The following ARMH3 variants were observed in gnomAD, a reference collection of about 807,000 sequenced individuals.
The protein encoded by ARMH3 is armadillo like helical domain containing 3, also known as armadillo-like helical domain-containing protein 3.
A neutral mutation model predicts 99.1 loss-of-function variants in ARMH3; 60 were observed. That is an observed-to-expected ratio of 0.61 (90% CI 0.49 to 0.75). The LOEUF (loss-of-function observed/expected upper bound fraction) is 0.75, where lower values mean the gene tolerates loss of function less well. ARMH3 is among the 30% of genes least tolerant of loss of function. ARMH3 has a pLI of 0.00. For synonymous variants in ARMH3, 285 were observed against 292.8 expected, an observed-to-expected ratio of 0.97 and a Z score of 0.27; for missense variants, 679 against 843.1, an observed-to-expected ratio of 0.81 and a Z score of 2.41.
chr10:101,944,210 T>C (rs1188980388), intron 22 of ARMH3, among the ~76,000 whole-genome samples: 7 of 133,756 alleles, frequency 5.2e-5, no homozygotes, highest in Admixed American at 7.9e-5. Flanking sequence ...TCTCAGCACT[T>C]TGGGAGGCTA....
intron 24 of ARMH3, among the ~76,000 whole-genome samples, chr10:101,863,681 T>A (rs1055206804): frequency 2.0e-5 from 3 of 152,068 alleles, no homozygotes; most frequent in South Asian, 4.1e-4. Context: ...TCCCAGCACT[T>A]TGGAAGGCCG....
chr10:101,893,807 CTT>C (rs1425679057), intron 23 of ARMH3, among the ~76,000 whole-genome samples: 1 of 152,120 alleles, frequency 6.6e-6, no homozygotes, highest in East Asian at 1.9e-4. Context: ...AAAATGTACA[CTT>C]GTTTCCTTCC....
chr10:101,912,227 T>C (rs1842896436), intron 23 of ARMH3, among the ~76,000 whole-genome samples: 1 of 151,926 alleles, frequency 6.6e-6, no homozygotes, highest in Admixed American at 6.6e-5. Flanking sequence ...ACCCCGTCTC[T>C]ACTAAAAATA....
chr10:101,928,208 A>C (rs1843582727), intron 23 of ARMH3, among the ~76,000 whole-genome samples: 2 of 152,212 alleles, frequency 1.3e-5, no homozygotes, highest in Non-Finnish European at 2.9e-5. Context: ...TCACAAATAT[A>C]ATGAAAGGTT....
In ARMH3 at chr10:101,991,842, C is replaced by A. The variant is rs565418927; in HGVS notation, c.1345+127G>T. 618 of 986,234 alleles carry A rather than the reference C, an allele frequency of 6.3e-4. 9 individuals carry two copies. In the South Asian group the frequency reaches 8.8e-3, roughly 14 times the overall value. The allele number at this position is 986,234 out of a possible 1,614,324, so 61.1% of individuals were successfully genotyped here. A position where few individuals can be genotyped will look rare whatever the true frequency, so the allele number is the denominator to read the frequency against. On this transcript the variant is annotated intron_variant, in intron 18 of 25. Transcript: ENST00000370033. ...ACAACAATAAACATGATTCTTAGGCCAGGGAAAAAACACAACTAATAATTT... is the reference window on the plus strand; with the variant it reads ...ACAACAATAAACATGATTCTTAGGCAAGGGAAAAAACACAACTAATAATTT...
intron 24 of ARMH3, among the ~76,000 whole-genome samples, chr10:101,881,422 T>TGGG (rs2067414664): frequency 3.9e-5 from 6 of 152,038 alleles, no homozygotes; most frequent in Admixed American, 2.0e-4. Flanking sequence ...AGCTGAGGGT[T>TGGG]GGGGGGAAGT....
chr10:101,890,446 GC>G (rs1393520319), intron 23 of ARMH3, among the ~76,000 whole-genome samples: 5 of 151,978 alleles, frequency 3.3e-5, no homozygotes, highest in Non-Finnish European at 7.4e-5. Flanking sequence ...ACACGGTTTT[GC>G]CATGTCGCCC....
At chr10:102,050,139 T>A (rs1394014514) in intron 1 of ARMH3, among the ~76,000 whole-genome samples, 1 of 143,292 alleles carries the variant, frequency 7.0e-6, no homozygotes, top group African/African-American at 2.6e-5. Context: ...CCAGACTCAG[T>A]CTCAAAAAAT....
At chr10:101,972,508 T>C (rs988179986) in intron 20 of ARMH3, among the ~76,000 whole-genome samples, 5 of 152,308 alleles carry the variant, frequency 3.3e-5, no homozygotes, top group African/African-American at 9.6e-5. Flanking sequence ...TCCATAAGTC[T>C]AGAAGGCAAA....
intron 22 of ARMH3, among the ~76,000 whole-genome samples, chr10:101,949,023 T>G (rs1844674876): frequency 6.6e-6 from 1 of 151,452 alleles, no homozygotes; most frequent in Non-Finnish European, 1.5e-5. Flanking sequence ...TCAAGGGAAA[T>G]AAGAAAATAC....
Position 101,995,375 on chromosome 10 carries a change from T to G in ARMH3, c.1151-20A>C, listed in dbSNP as rs369874714. On this transcript the variant is annotated intron_variant, in intron 15 of 25. Coordinates refer to ENST00000370033, the MANE Select transcript of ARMH3 (RefSeq NM_024541.3). ...GTTCATCTGTAAAGAAAAAAGAAACTCTTCTCTGTAAATCATCCAGATTTA... is the reference window on the plus strand; with the variant it reads ...GTTCATCTGTAAAGAAAAAAGAAACGCTTCTCTGTAAATCATCCAGATTTA... 13 of 1,602,646 alleles carry G rather than the reference T, an allele frequency of 8.1e-6. No individual in the cohort carries two copies. Among genetic ancestry groups the G allele is most frequent in the African/African-American group, 1.3e-5 (1 of 74,458 alleles).
At chr10:101,990,687 T>C in intron 18 of ARMH3, 76 bp from the exon 19 acceptor site, 1 of 1,166,466 alleles carries the variant, frequency 8.6e-7, no homozygotes, top group Non-Finnish European at 1.3e-6. Context: ...AAAAAAAGCT[T>C]CTGAGTACAC....
chr10:101,860,035 T>C (rs1264540661), intron 24 of ARMH3, among the ~76,000 whole-genome samples: 4 of 152,040 alleles, frequency 2.6e-5, no homozygotes, highest in Non-Finnish European at 4.4e-5. Flanking sequence ...AAATGATCAA[T>C]GTTAGTTAAG....
At chr10:101,850,188 C>T (rs1366711373) in intron 24 of ARMH3, among the ~76,000 whole-genome samples, 1 of 149,066 alleles carries the variant, frequency 6.7e-6, no homozygotes, top group Admixed American at 6.8e-5. Flanking sequence ...ACCTCTGCCT[C>T]CCAGGTTCAA....
At chr10:101,886,426 C>T (rs540560093) in intron 24 of ARMH3, among the ~76,000 whole-genome samples, 8 of 151,208 alleles carry the variant, frequency 5.3e-5, no homozygotes, top group Non-Finnish European at 1.2e-4. Context: ...AGGAGAATCG[C>T]TTGAACCCAG....
chr10:101,954,832 C>T (rs192282175), intron 22 of ARMH3, among the ~76,000 whole-genome samples: 403 of 152,280 alleles, frequency 2.6e-3, no homozygotes, highest in African/African-American at 9.1e-3. Context: ...AACATTTTTA[C>T]TCCCTTGGCA....
chr10:101,899,563 C>CAACA (rs1256181810), intron 23 of ARMH3, among the ~76,000 whole-genome samples: 2 of 152,070 alleles, frequency 1.3e-5, no homozygotes, highest in Non-Finnish European at 1.5e-5. Flanking sequence ...CCCAAATCAC[C>CAACA]AACAACAAAA....
At chr10:101,972,613 G>C (rs1291332033) in intron 20 of ARMH3, among the ~76,000 whole-genome samples, 1 of 152,194 alleles carries the variant, frequency 6.6e-6, no homozygotes, top group African/African-American at 2.4e-5. Flanking sequence ...TTCACAGAAT[G>C]CAATATTATA....
chr10:102,045,780 T>C lies in ARMH3; in HGVS notation c.-11-5655A>G, dbSNP rs182449906. Among the ~76,000 whole-genome samples the C allele has an allele frequency of 2.0e-5, 3 of 152,040 alleles. No homozygotes were observed. In the East Asian group the frequency reaches 5.8e-4, roughly 29 times the overall value. On this transcript the variant is annotated intron_variant, in intron 1 of 25. Transcript: ENST00000370033. ...AGCCTATTACTGATACATGAAGCAA[T>C]GTGAGTAAGTTACATAGAAAATATT... is the stretch of plus-strand genomic sequence containing the variant.
Sources: gnomAD v4.1 joint callset for allele counts (sites outside exome capture counted in the v4.1 genomes callset) on GRCh38, gnomAD v4.1.1 for gene constraint, MANE v1.5 for transcripts, NCBI Gene and HGNC (gene_info 2026-07-23, HGNC 2026-07-21) for gene names.